C10orf90: variants seen among roughly 807,000 people sequenced by gnomAD.
C10orf90 encodes chromosome 10 open reading frame 90, also known as (E2-independent) E3 ubiquitin-conjugating enzyme FATS.
A neutral mutation model predicts 62.5 loss-of-function variants in C10orf90; 56 were observed. The observed-to-expected ratio is 0.90, with a 90% CI of 0.72 to 1.12. The LOEUF is 1.12. Among genes scored for constraint, C10orf90 ranks in the 50% most tolerant of loss-of-function variants. The pLI, the probability that C10orf90 is intolerant of heterozygous loss-of-function variation, is 0.00. For missense variants in C10orf90, 970 were observed against 880.4 expected (o/e 1.10, Z -1.29); for synonymous variants, 386 against 340.4 (o/e 1.13, Z -1.47).
intron 1 of C10orf90, among the ~76,000 whole-genome samples, chr10:126,652,913 A>G (rs1846319557): frequency 6.6e-6 from 1 of 152,214 alleles, no homozygotes; most frequent in Non-Finnish European, 1.5e-5. Flanking sequence ...GCAGACCACC[A>G]CAATAAAGCA....
intron 2 of C10orf90, among the ~76,000 whole-genome samples, chr10:126,606,247 T>C (rs947026901): frequency 1.3e-5 from 2 of 152,318 alleles, no homozygotes; most frequent in South Asian, 4.1e-4. Context: ...TGTGAAATGA[T>C]ATTAAAGAGA....
chr10:126,457,053 T>A (rs1859631783), intron 7 of C10orf90, among the ~76,000 whole-genome samples: 1 of 152,198 alleles, frequency 6.6e-6, no homozygotes, highest in Non-Finnish European at 1.5e-5. Context: ...AGTGGTGTGA[T>A]CATGGCTCAC....
At chr10:126,630,395 T>G (rs1330818625) in intron 2 of C10orf90, among the ~76,000 whole-genome samples, 2 of 151,878 alleles carry the variant, frequency 1.3e-5, no homozygotes, top group Non-Finnish European at 2.9e-5. Context: ...GAGGGAGAGG[T>G]GACCATGCTG....
rs1860194890 is a variant in C10orf90, at chr10:126,464,919, A to G, written c.1602T>C (p.Ala534=). The change falls in exon 5 of 10, where the codon GCT becomes GCC. Residue 534 remains alanine, a synonymous_variant. Transcript: ENST00000488181. ...QQGEVCMTVS[A]PPVEQKPTRH... ...TAGTGGGCTTCTGTTCCACTGGAGGAGCAGACACAGTCATACATACTTCTC... is the reference window on the plus strand; with the variant it reads ...TAGTGGGCTTCTGTTCCACTGGAGGGGCAGACACAGTCATACATACTTCTC... The G allele has an allele frequency of 1.2e-6, 2 of 1,613,450 alleles. No homozygotes were observed. The highest frequency in any genetic ancestry group is 1.7e-6 in the Non-Finnish European group (2 of 1,179,400).
chr10:126,524,010 A>G (rs1253661220), intron 2 of C10orf90, among the ~76,000 whole-genome samples: 1 of 152,244 alleles, frequency 6.6e-6, no homozygotes, highest in African/African-American at 2.4e-5. Context: ...ATTACAAATA[A>G]TGCTGCAATG....
intron 7 of C10orf90, among the ~76,000 whole-genome samples, chr10:126,440,950 G>A (rs150301218): frequency 2.4e-4 from 36 of 152,196 alleles, no homozygotes; most frequent in Non-Finnish European, 4.6e-4. Context: ...AGGAACTCTG[G>A]TAATATGACA....
intron 2 of C10orf90, among the ~76,000 whole-genome samples, chr10:126,565,429 A>AT (rs1376476554): frequency 6.6e-3 from 78 of 11,768 alleles, no homozygotes; most frequent in Non-Finnish European, 0.018. Context: ...TATATATTAT[A>AT]TATATTATAC....
At chr10:126,483,876 T>C (rs1861288161) in intron 4 of C10orf90, among the ~76,000 whole-genome samples, 1 of 152,160 alleles carries the variant, frequency 6.6e-6, no homozygotes. Flanking sequence ...TTTGTCATTC[T>C]CCAAGACTGT....
At chr10:126,605,621 AG>A (rs1386710846) in intron 2 of C10orf90, among the ~76,000 whole-genome samples, 5 of 152,168 alleles carry the variant, frequency 3.3e-5, no homozygotes, top group African/African-American at 4.8e-5. Flanking sequence ...CAGCCTTTTT[AG>A]CCAAGGAGAA....
At chr10:126,651,057 T>C (rs1014837218) in intron 1 of C10orf90, among the ~76,000 whole-genome samples, 2 of 152,222 alleles carry the variant, frequency 1.3e-5, no homozygotes, top group African/African-American at 4.8e-5. Context: ...CTAAACATTG[T>C]AGGTGTAATA....
At chr10:126,550,692 T>C (rs1159230561) in intron 2 of C10orf90, among the ~76,000 whole-genome samples, 1 of 151,728 alleles carries the variant, frequency 6.6e-6, no homozygotes, top group Non-Finnish European at 1.5e-5. Flanking sequence ...GTATTTTTAG[T>C]AGAAATGGTG....
chr10:126,625,581 T>G (rs925350961), intron 2 of C10orf90, among the ~76,000 whole-genome samples: 9 of 152,140 alleles, frequency 5.9e-5, no homozygotes, highest in Admixed American at 5.2e-4. Context: ...CAGGAGAAAC[T>G]CTGAGCGCAG....
chr10:126,616,952 A>G (rs1449950775), intron 2 of C10orf90, among the ~76,000 whole-genome samples: 2 of 152,126 alleles, frequency 1.3e-5, no homozygotes, highest in Non-Finnish European at 2.9e-5. Context: ...AACCAGGGCT[A>G]TGTTATCTAA....
chr10:126,564,028 C>T (rs1028645350), intron 2 of C10orf90, among the ~76,000 whole-genome samples: 2 of 152,094 alleles, frequency 1.3e-5, no homozygotes, highest in Admixed American at 6.5e-5. Context: ...CACTGGATGC[C>T]CGTAGTCCCC....
intron 4 of C10orf90, among the ~76,000 whole-genome samples, chr10:126,470,567 T>TAAAAACTA (rs1183288072): frequency 8.5e-6 from 1 of 117,788 alleles, no homozygotes; most frequent in Non-Finnish European, 1.7e-5. Flanking sequence ...CTAACTCTAC[T>TAAAAACTA]AAAAACTAAA....
At chr10:126,532,485 A>G (rs1864119547) in intron 2 of C10orf90, among the ~76,000 whole-genome samples, 1 of 151,950 alleles carries the variant, frequency 6.6e-6, no homozygotes, top group Non-Finnish European at 1.5e-5. Context: ...ACAGAGTTTA[A>G]TCAAAGTGGC....
intron 2 of C10orf90, among the ~76,000 whole-genome samples, chr10:126,600,346 A>G (rs1845175360): frequency 1.3e-5 from 2 of 152,076 alleles, no homozygotes; most frequent in South Asian, 4.2e-4. Context: ...GGGCAATATT[A>G]TTATCTTCTC....
At chr10:126,627,000 CTTTTTTT>C (rs61226052) in intron 2 of C10orf90, among the ~76,000 whole-genome samples, 1 of 119,496 alleles carries the variant, frequency 8.4e-6, no homozygotes, top group Non-Finnish European at 1.7e-5. Context: ...TTTTTCTTTT[CTTTTTTT>C]TTTTTTTTTT....
chr10:126,643,835 T>A (rs1294688094), intron 2 of C10orf90, among the ~76,000 whole-genome samples: 1 of 152,208 alleles, frequency 6.6e-6, no homozygotes, highest in Admixed American at 6.5e-5. Flanking sequence ...CCCAGACCCT[T>A]CTGATGAGCA....
Sources: gnomAD v4.1 joint callset for allele counts (sites outside exome capture counted in the v4.1 genomes callset) on GRCh38, gnomAD v4.1.1 for gene constraint, MANE v1.5 for transcripts, NCBI Gene and HGNC (gene_info 2026-07-23, HGNC 2026-07-21) for gene names.